Variants in STON2 observed in about 807,000 individuals in gnomAD.
STON2 encodes the protein stonin-2.
Under a neutral mutation model 65.7 loss-of-function variants are expected in STON2, and 29 were observed. The observed-to-expected ratio is 0.44, with a 90% CI of 0.33 to 0.60. The LOEUF is 0.60. STON2 is among the 20% of genes least tolerant of loss of function. The probability of loss-of-function intolerance (pLI) is 0.03; values close to 1 mark genes in which losing one functional copy is unlikely to be tolerated. For missense variants in STON2, 1,054 were observed against 1,118.1 expected (o/e 0.94, Z 0.82); for synonymous variants, 404 against 414.2 (o/e 0.98, Z 0.30).
At chr14:81,389,765 A>T (rs1018289442) in intron 3 of STON2, among the ~76,000 whole-genome samples, 2 of 152,230 alleles carry the variant, frequency 1.3e-5, no homozygotes, top group African/African-American at 4.8e-5. Context: ...ATAATTAACA[A>T]GGGAAGTTGC....
intron 6 of STON2, among the ~76,000 whole-genome samples, chr14:81,275,936 T>C (rs1374996868): frequency 6.6e-6 from 1 of 152,224 alleles, no homozygotes; most frequent in Non-Finnish European, 1.5e-5. Context: ...AGAAAGCCAT[T>C]TCACTCAAGA....
chr14:81,281,616 CTTCTGTTGGG>C (rs1356151330), intron 5 of STON2, among the ~76,000 whole-genome samples: 3 of 152,188 alleles, frequency 2.0e-5, no homozygotes, highest in Non-Finnish European at 2.9e-5. Flanking sequence ...AAAGGATTCC[CTTCTGTTGGG>C]AATCTTGTCC....
Position 81,370,999 on chromosome 14 carries a change from G to A in STON2, c.560C>T (p.Ala187Val). 1 of 1,612,534 alleles carries A rather than the reference G, an allele frequency of 6.2e-7. No homozygotes were observed. Among genetic ancestry groups the A allele is most frequent in the Non-Finnish European group, 8.5e-7 (1 of 1,179,918 alleles). The change falls in exon 4 of 8, where the codon GCT becomes GTT. Residue 187 changes from alanine to valine, a missense_variant. Coordinates refer to ENST00000614646, the MANE Select transcript of STON2 (RefSeq NM_001394390.1). Reference protein sequence around the residue: ...EEQTSGQASGADSTDKRTEWQ... With the variant: ...EEQTSGQASGVDSTDKRTEWQ... ...GAGCTCCATCTTACCAGTTGAGTCA[G>A]CCCCAGAAGCCTGGCCACTCGTCTG... is the stretch of plus-strand genomic sequence containing the variant.
In STON2 at chr14:81,262,044, T is replaced by C. The variant is rs1029675557; in HGVS notation, c.*6370A>G. 3.8e-5 allele frequency: 50 copies of C among 1,326,528 alleles called. No homozygotes were observed. Among genetic ancestry groups the C allele is most frequent in the Non-Finnish European group, 4.6e-5 (48 of 1,042,764 alleles). 82.2% of individuals were successfully genotyped at this position (1,326,528 alleles called of 1,614,324 possible). A position where few individuals can be genotyped will look rare whatever the true frequency, so the allele number is the denominator to read the frequency against. On this transcript the variant is annotated 3_prime_UTR_variant, in exon 8 of 8. Transcript: ENST00000614646. ...TTAAATTTCTTGGTTCTTATAAACA[T>C]AGGAAGAGTCACTGAAAGGTGGCAC...
intron 3 of STON2, among the ~76,000 whole-genome samples, chr14:81,394,276 G>A (rs1900214378): frequency 6.6e-6 from 1 of 152,238 alleles, no homozygotes; most frequent in African/African-American, 2.4e-5. Context: ...ATAAATGTTT[G>A]TTACAGAATT....
chr14:81,294,211 T>C (rs1472009160), intron 5 of STON2, among the ~76,000 whole-genome samples: 1 of 152,240 alleles, frequency 6.6e-6, no homozygotes, highest in African/African-American at 2.4e-5. Flanking sequence ...TATGCCTCTT[T>C]ACTCTCCCTG....
chr14:81,357,077 C>T (rs1459012718), intron 4 of STON2, among the ~76,000 whole-genome samples: 1 of 151,998 alleles, frequency 6.6e-6, no homozygotes, highest in Non-Finnish European at 1.5e-5. Flanking sequence ...AGAGCTTCTG[C>T]ATAGCAAAAG....
chr14:81,393,283 C>T (rs1277798850), intron 3 of STON2, among the ~76,000 whole-genome samples: 1 of 152,154 alleles, frequency 6.6e-6, no homozygotes, highest in East Asian at 1.9e-4. Flanking sequence ...TGAATATAAT[C>T]CATGACCTGA....
chr14:81,338,079 T>C (rs1457856329), intron 4 of STON2, among the ~76,000 whole-genome samples: 1 of 152,244 alleles, frequency 6.6e-6, no homozygotes, highest in African/African-American at 2.4e-5. Context: ...TACTTGGTTG[T>C]TGACCCTGAT....
At position 81,396,055 on chromosome 14, in the gene STON2, G is replaced by A. The variant is rs762056486; in HGVS notation, c.212C>T (p.Ser71Phe). 3.1e-6 allele frequency: 5 copies of A among 1,614,046 alleles called. No individual in the cohort carries two copies. Among genetic ancestry groups the A allele is most frequent in the Admixed American group, 1.7e-5 (1 of 60,010 alleles). ...AGAGATGAGGCCCATCTTTTCAGAG[G>A]AGTCATCCTGCTCCGAGTGGGAATG... ...QDHSHSEQDD[S>F]SEKMGLISEA... The change falls in exon 3 of 8, where the codon TCC becomes TTC. Residue 71 changes from serine to phenylalanine, a missense_variant. By Grantham distance (155) the Ser-to-Phe change is radical (BLOSUM62 -2). Transcript: ENST00000614646.
chr14:81,333,633 T>C (rs1050773562), intron 4 of STON2, among the ~76,000 whole-genome samples: 1 of 152,192 alleles, frequency 6.6e-6, no homozygotes, highest in African/African-American at 2.4e-5. Context: ...ACTTCCTCTC[T>C]AGACAGCAAA....
rs1894881371 is a variant in STON2, at chr14:81,277,354, C to T, written c.2128G>A (p.Glu710Lys). ...ACCCGTGAGTTGTGGAAAACATCCT[C>T]ATCCACACACCCATGGAAACGGCAC... ...HECRFHGCVD[E>K]DVFHNSRVIL... The change falls in exon 6 of 8, where the codon GAG (glutamate) becomes AAG (lysine). Residue 710 changes from glutamate to lysine, a missense_variant. Transcript: ENST00000614646. 6.2e-7 allele frequency: 1 copy of T among 1,614,064 alleles called. No homozygotes were observed. The highest frequency in any genetic ancestry group is 8.5e-7 in the Non-Finnish European group (1 of 1,180,032).
intron 1 of STON2, among the ~76,000 whole-genome samples, chr14:81,434,325 G>A (rs1361419250): frequency 6.6e-6 from 1 of 152,180 alleles, no homozygotes; most frequent in African/African-American, 2.4e-5. Context: ...TCTTTGCCCC[G>A]CCCAACACAT....
At chr14:81,404,791 G>C (rs1418712046), upstream of STON2, among the ~76,000 whole-genome samples, 2 of 152,206 alleles carry the variant, frequency 1.3e-5, no homozygotes, top group East Asian at 3.9e-4. Context: ...ACAGGCACAA[G>C]TTACTGCACC....
intron 4 of STON2, among the ~76,000 whole-genome samples, chr14:81,359,886 A>C (rs1047948847): frequency 3.9e-5 from 6 of 152,154 alleles, no homozygotes; most frequent in Non-Finnish European, 8.8e-5. Context: ...CAAACAAACA[A>C]ACAAAAAACT....
chr14:81,371,167 G>C lies in STON2; in HGVS notation c.392C>G (p.Pro131Arg). The change falls in exon 4 of 8, where the codon CCC becomes CGC. Residue 131 changes from proline to arginine, a missense_variant. Pro to Arg is a moderately radical substitution (Grantham distance 103). Transcript: ENST00000614646. ...GTCAAAGGAAGGGCATGTCCAGCAG[G>C]GCATGGTCAATGGTAGGGCTGGGGA... is the stretch of plus-strand genomic sequence containing the variant. ...TAETALPLTMPCWTCPSFDSL... is the reference protein window; with the variant it reads ...TAETALPLTMRCWTCPSFDSL... The C allele has an allele frequency of 6.2e-7, 1 of 1,614,104 alleles. No homozygotes were observed. Among genetic ancestry groups the C allele is most frequent in the Admixed American group, 1.7e-5 (1 of 60,016 alleles).
At position 81,297,058 on chromosome 14, in the gene STON2, C is replaced by T. The variant is rs115840351; in HGVS notation, c.743-18319G>A. Among the ~76,000 whole-genome samples, 403 of 152,292 alleles carry T rather than the reference C, an allele frequency of 2.6e-3. 2 individuals are homozygous for T. The highest frequency in any genetic ancestry group is 9.2e-3 in the African/African-American group (383 of 41,548). On this transcript the variant is annotated intron_variant, in intron 5 of 7. Coordinates refer to ENST00000614646, the MANE Select transcript of STON2 (RefSeq NM_001394390.1). ...AACCCTACAGGGCCCTTGGGGACTTCCGGAGTGTGTCAGGCACTTTGGTGA... is the reference window on the plus strand; with the variant it reads ...AACCCTACAGGGCCCTTGGGGACTTTCGGAGTGTGTCAGGCACTTTGGTGA...
chr14:81,417,157 T>A (rs1476583456), intron 2 of STON2, among the ~76,000 whole-genome samples: 1 of 152,064 alleles, frequency 6.6e-6, no homozygotes, highest in African/African-American at 2.4e-5. Flanking sequence ...TGACACTCCA[T>A]CCCTTGCATG....
At chr14:81,306,274 G>A (rs2758766) in intron 5 of STON2, among the ~76,000 whole-genome samples, 12,210 of 134,470 alleles carry the variant, frequency 0.091, 765 homozygotes, top group East Asian at 0.21. Flanking sequence ...CAGTCGCCCA[G>A]GCTGGAGTGC....
Sources: gnomAD v4.1 joint callset for allele counts (sites outside exome capture counted in the v4.1 genomes callset) on GRCh38, gnomAD v4.1.1 for gene constraint, MANE v1.5 for transcripts, NCBI Gene and HGNC (gene_info 2026-07-23, HGNC 2026-07-21) for gene names.